ADAMTS6: variants seen among roughly 807,000 people sequenced by gnomAD.
ADAMTS6 encodes ADAM metallopeptidase with thrombospondin type 1 motif 6, also known as A disintegrin and metalloproteinase with thrombospondin motifs 6.
ADAMTS6 carries 23 observed loss-of-function variants against 144.3 expected under a neutral mutation model. The ratio of observed to expected loss-of-function variants is 0.16; its 90% CI spans 0.11 to 0.23. The LOEUF (loss-of-function observed/expected upper bound fraction) is 0.23. ADAMTS6 is among the 10% of genes least tolerant of loss of function. ADAMTS6 has a pLI of 1.00. For missense variants in ADAMTS6, 999 were observed against 1,379.6 expected (o/e 0.72, Z 4.37); for synonymous variants, 444 against 457.5 (o/e 0.97, Z 0.38).
chr5:65,331,405 C>T (rs1207937212), intron 8 of ADAMTS6, among the ~76,000 whole-genome samples: 3 of 151,954 alleles, frequency 2.0e-5, no homozygotes, highest in Non-Finnish European at 4.4e-5. Context: ...TTACTTCTGC[C>T]ATCTTATATA....
chr5:65,474,611 G>C (rs943455319), intron 1 of ADAMTS6, among the ~76,000 whole-genome samples: 2 of 151,930 alleles, frequency 1.3e-5, no homozygotes, highest in African/African-American at 2.4e-5. Flanking sequence ...TTCATTTCAA[G>C]TATTACAACA....
rs1756871928 is a variant in ADAMTS6 at position 65,430,102 on chromosome 5, A to G, written c.1073+21373T>C. On this transcript the variant is annotated intron_variant, in intron 7 of 24. Transcript: ENST00000381055. ...GATAATTGCAACTATTATTATCAAC[A>G]TTAGTTTTCTATTTCTGAATGAAGG... Among the ~76,000 whole-genome samples, 3 of 151,912 alleles carry G rather than the reference A, an allele frequency of 2.0e-5. No individual in the cohort carries two copies. In the South Asian group the frequency reaches 6.2e-4, roughly 32 times the overall value.
chr5:65,227,651 T>G (rs1757828301), intron 15 of ADAMTS6, among the ~76,000 whole-genome samples: 1 of 152,182 alleles, frequency 6.6e-6, no homozygotes, highest in Non-Finnish European at 1.5e-5. Flanking sequence ...GAAAATCGAC[T>G]GGGTGGTAGA....
intron 7 of ADAMTS6, among the ~76,000 whole-genome samples, chr5:65,341,139 T>C (rs1747780134): frequency 6.6e-6 from 1 of 151,910 alleles, no homozygotes; most frequent in Non-Finnish European, 1.5e-5. Flanking sequence ...AAGAATAAAA[T>C]TTTAAAATTT....
chr5:65,454,001 A>G (rs142159224), intron 4 of ADAMTS6, among the ~76,000 whole-genome samples: 1 of 152,326 alleles, frequency 6.6e-6, no homozygotes, highest in East Asian at 1.9e-4. Context: ...TTAAGAGGTG[A>G]TTAAAACTTG....
At chr5:65,284,088 CAACT>C (rs1763186406) in intron 11 of ADAMTS6, among the ~76,000 whole-genome samples, 1 of 152,022 alleles carries the variant, frequency 6.6e-6, no homozygotes, top group African/African-American at 2.4e-5. Context: ...AAGACTCGTA[CAACT>C]AACATACAAT....
At chr5:65,351,121 C>T (rs1748810644) in intron 7 of ADAMTS6, among the ~76,000 whole-genome samples, 2 of 152,118 alleles carry the variant, frequency 1.3e-5, no homozygotes, top group Admixed American at 1.3e-4. Context: ...TGATATAAAG[C>T]TTTGATGGCG....
intron 15 of ADAMTS6, among the ~76,000 whole-genome samples, chr5:65,229,431 A>G (rs1408721703): frequency 6.6e-6 from 1 of 152,194 alleles, no homozygotes; most frequent in Non-Finnish European, 1.5e-5. Context: ...CACCAAAGAA[A>G]CATGGTAATA....
chr5:65,314,564 T>C (rs903564387), intron 9 of ADAMTS6, among the ~76,000 whole-genome samples: 4 of 152,084 alleles, frequency 2.6e-5, no homozygotes, highest in Admixed American at 6.6e-5. Flanking sequence ...AAATACCAAA[T>C]AGGTAAATAC....
intron 3 of ADAMTS6, among the ~76,000 whole-genome samples, chr5:65,465,385 T>C (rs1233098374): frequency 6.6e-6 from 1 of 152,210 alleles, no homozygotes. Flanking sequence ...GTAATTATTC[T>C]ATTTGTGTGG....
At chr5:65,201,203 T>TG (rs1755716008) in intron 20 of ADAMTS6, among the ~76,000 whole-genome samples, 1 of 151,844 alleles carries the variant, frequency 6.6e-6, no homozygotes, top group Non-Finnish European at 1.5e-5. Flanking sequence ...CTCTAGGGGG[T>TG]GGTGATGGTT....
intron 3 of ADAMTS6, among the ~76,000 whole-genome samples, chr5:65,466,132 A>G (rs1759978297): frequency 6.6e-6 from 1 of 152,148 alleles, no homozygotes; most frequent in Non-Finnish European, 1.5e-5. Context: ...TTCTCATCTT[A>G]GTTGATGGCT....
chr5:65,284,919 G>A (rs1238279680), intron 11 of ADAMTS6, among the ~76,000 whole-genome samples: 1 of 152,044 alleles, frequency 6.6e-6, no homozygotes, highest in Non-Finnish European at 1.5e-5. Context: ...TCATTTCAGA[G>A]TTATAAGCAC....
intron 9 of ADAMTS6, among the ~76,000 whole-genome samples, chr5:65,313,205 T>C (rs1744675013): frequency 6.7e-6 from 1 of 148,840 alleles, no homozygotes; most frequent in Admixed American, 6.7e-5. Context: ...TTCCAGATAC[T>C]TAATGCAGTA....
intron 3 of ADAMTS6, among the ~76,000 whole-genome samples, chr5:65,467,030 A>G (rs1760079179): frequency 6.9e-6 from 1 of 144,640 alleles, no homozygotes; most frequent in East Asian, 2.0e-4. Flanking sequence ...GACAGAGCAG[A>G]CTCCGTCTCA....
At chr5:65,437,891 T>A (rs1040267833) in intron 7 of ADAMTS6, among the ~76,000 whole-genome samples, 1 of 152,224 alleles carries the variant, frequency 6.6e-6, no homozygotes, top group African/African-American at 2.4e-5. Flanking sequence ...AACTTGTGAA[T>A]CTAAAGGGCC....
At chr5:65,399,999 C>T (rs183123219) in intron 7 of ADAMTS6, among the ~76,000 whole-genome samples, 229 of 152,252 alleles carry the variant, frequency 1.5e-3, no homozygotes, top group Non-Finnish European at 2.7e-3. Context: ...TTCCCCTTCA[C>T]TTTTGAAGGA....
chr5:65,173,826 C>G (rs1430982214), intron 22 of ADAMTS6, among the ~76,000 whole-genome samples: 1 of 152,038 alleles, frequency 6.6e-6, no homozygotes, highest in Non-Finnish European at 1.5e-5. Context: ...AGATCAAGAC[C>G]ATCCTGGCCA....
intron 7 of ADAMTS6, among the ~76,000 whole-genome samples, chr5:65,372,757 C>G (rs568630036): frequency 0.029 from 4,489 of 152,202 alleles, 230 homozygotes; most frequent in African/African-American, 0.1. Flanking sequence ...CCAAGCAGAC[C>G]TAATAGACAT....
Sources: gnomAD v4.1 joint callset for allele counts (sites outside exome capture counted in the v4.1 genomes callset) on GRCh38, gnomAD v4.1.1 for gene constraint, MANE v1.5 for transcripts, NCBI Gene and HGNC (gene_info 2026-07-23, HGNC 2026-07-21) for gene names.